Variants in PRKCE observed in about 807,000 individuals in gnomAD.
PRKCE encodes protein kinase C epsilon.
Under a neutral mutation model 85.4 loss-of-function variants are expected in PRKCE, and 16 were observed. The ratio of observed to expected loss-of-function variants is 0.19; its 90% CI spans 0.13 to 0.28. The LOEUF is 0.28. PRKCE is among the 10% of genes least tolerant of loss of function. PRKCE has a pLI of 1.00. For synonymous variants in PRKCE, 388 were observed against 371.5 expected, an observed-to-expected ratio of 1.04 and a Z score of -0.51; for missense variants, 573 against 975.2, an observed-to-expected ratio of 0.59 and a Z score of 5.49.
chr2:46,169,240 T>C (rs1391738221), intron 14 of PRKCE, among the ~76,000 whole-genome samples: 1 of 152,218 alleles, frequency 6.6e-6, no homozygotes, highest in Non-Finnish European at 1.5e-5. Flanking sequence ...TTGTTTGTGC[T>C]GGGGAGGGGG....
intron 1 of PRKCE, among the ~76,000 whole-genome samples, chr2:45,707,819 G>T (rs1239230411): frequency 6.6e-6 from 1 of 152,234 alleles, no homozygotes; most frequent in East Asian, 1.9e-4. Context: ...CAGCATGGAA[G>T]GAGCGATGGC....
At chr2:45,938,288 A>C (rs1573950368) in intron 2 of PRKCE, among the ~76,000 whole-genome samples, 1 of 150,782 alleles carries the variant, frequency 6.6e-6, no homozygotes, top group Non-Finnish European at 1.5e-5. Context: ...GAGGGGGGCT[A>C]TCTGGCAATT....
chr2:46,162,095 C>G (rs1677831725), intron 14 of PRKCE, among the ~76,000 whole-genome samples: 1 of 152,132 alleles, frequency 6.6e-6, no homozygotes, highest in African/African-American at 2.4e-5. Flanking sequence ...CAGGGAGCCC[C>G]TTAAAGCTCT....
At chr2:45,778,903 G>T (rs1159252926) in intron 1 of PRKCE, among the ~76,000 whole-genome samples, 1 of 152,178 alleles carries the variant, frequency 6.6e-6, no homozygotes, top group African/African-American at 2.4e-5. Context: ...TCTTCCCAGT[G>T]AGTGGATCCA....
At chr2:45,884,989 A>ATTT (rs1165943024) in intron 2 of PRKCE, among the ~76,000 whole-genome samples, 3 of 61,700 alleles carry the variant, frequency 4.9e-5, no homozygotes, top group East Asian at 3.4e-3. Flanking sequence ...ATATATATAT[A>ATTT]TATATATATA....
At chr2:45,754,576 A>T (rs914274681) in intron 1 of PRKCE, among the ~76,000 whole-genome samples, 2 of 152,184 alleles carry the variant, frequency 1.3e-5, no homozygotes, top group African/African-American at 4.8e-5. Context: ...TAGTCCACTT[A>T]GGTGGCCTGG....
chr2:46,179,625 C>T (rs190098340), intron 14 of PRKCE, among the ~76,000 whole-genome samples: 2 of 152,310 alleles, frequency 1.3e-5, no homozygotes, highest in East Asian at 3.9e-4. Flanking sequence ...CCACAAAGTC[C>T]CTAAACATAT....
At chr2:45,875,170 G>C (rs572213929) in intron 2 of PRKCE, among the ~76,000 whole-genome samples, 1 of 152,234 alleles carries the variant, frequency 6.6e-6, no homozygotes, top group South Asian at 2.1e-4. Flanking sequence ...GGTGAGACTC[G>C]GAGTGAAAAT....
chr2:45,743,600 G>T (rs994364539), intron 1 of PRKCE, among the ~76,000 whole-genome samples: 11 of 152,128 alleles, frequency 7.2e-5, no homozygotes, highest in Admixed American at 7.2e-4. Context: ...AGCCAACTCT[G>T]GTTTATCTTT....
At chr2:45,885,002 TTTG>T (rs61430995) in intron 2 of PRKCE, among the ~76,000 whole-genome samples, 10 of 97,664 alleles carry the variant, frequency 1.0e-4, no homozygotes, top group South Asian at 6.8e-4. Context: ...TATATATATA[TTTG>T]TTGTTGTTGT....
At chr2:45,910,045 C>G (rs894238593) in intron 2 of PRKCE, among the ~76,000 whole-genome samples, 7 of 150,682 alleles carry the variant, frequency 4.6e-5, no homozygotes, top group South Asian at 2.1e-4. Flanking sequence ...AACTCACCGC[C>G]CCCCCCCAGC....
chr2:46,132,330 C>T (rs1028179322), intron 11 of PRKCE, among the ~76,000 whole-genome samples: 2 of 152,180 alleles, frequency 1.3e-5, no homozygotes, highest in Non-Finnish European at 2.9e-5. Context: ...CAGCCCAAAC[C>T]TTCACATATC....
intron 2 of PRKCE, among the ~76,000 whole-genome samples, chr2:45,967,585 G>C (rs1202179083): frequency 6.6e-6 from 1 of 152,186 alleles, no homozygotes; most frequent in Non-Finnish European, 1.5e-5. Flanking sequence ...ATTTAGGACT[G>C]CCCCAAGTCT....
intron 1 of PRKCE, among the ~76,000 whole-genome samples, chr2:45,671,823 C>G (rs561414915): frequency 5.9e-5 from 9 of 152,130 alleles, no homozygotes; most frequent in Admixed American, 3.9e-4. Context: ...AATCCAAGCA[C>G]TTTGCGAGGC....
chr2:46,045,575 T>C (rs1708472655), intron 10 of PRKCE, among the ~76,000 whole-genome samples: 2 of 152,208 alleles, frequency 1.3e-5, no homozygotes, highest in Admixed American at 1.3e-4. Context: ...ATATCCACTG[T>C]GCTATGGAAA....
chr2:45,938,482 A>G (rs569759565), intron 2 of PRKCE, among the ~76,000 whole-genome samples: 9 of 152,186 alleles, frequency 5.9e-5, no homozygotes, highest in African/African-American at 2.2e-4. Context: ...ATATCCCTGC[A>G]TTTTCCACCT....
At chr2:45,870,312 G>T (rs1693989844) in intron 2 of PRKCE, among the ~76,000 whole-genome samples, 1 of 152,206 alleles carries the variant, frequency 6.6e-6, no homozygotes, top group African/African-American at 2.4e-5. Context: ...TAGGAAAGGG[G>T]TCTGACCAGC....
chr2:46,045,100 C>A (rs1018530070), intron 10 of PRKCE, among the ~76,000 whole-genome samples: 3 of 152,176 alleles, frequency 2.0e-5, no homozygotes, highest in Non-Finnish European at 4.4e-5. Context: ...TGTAGTGTGT[C>A]TCCATGGGCA....
At chr2:45,862,056 C>A (rs1457801416) in intron 2 of PRKCE, among the ~76,000 whole-genome samples, 7 of 152,076 alleles carry the variant, frequency 4.6e-5, no homozygotes, top group African/African-American at 1.7e-4. Context: ...GGGACTTATG[C>A]TCCCCACGTA....
Sources: gnomAD v4.1 joint callset for allele counts (sites outside exome capture counted in the v4.1 genomes callset) on GRCh38, gnomAD v4.1.1 for gene constraint, MANE v1.5 for transcripts, NCBI Gene and HGNC (gene_info 2026-07-23, HGNC 2026-07-21) for gene names.